The following LRRC58 variants were observed in gnomAD, a reference collection of about 807,000 sequenced individuals.
LRRC58 encodes the protein leucine-rich repeat-containing protein 58.
LRRC58 carries 18 observed loss-of-function variants against 30.6 expected under a neutral mutation model. That is an observed-to-expected ratio of 0.59 (90% CI 0.41 to 0.87). The LOEUF is 0.87. Among genes scored for constraint, LRRC58 ranks in the 40% least tolerant of loss-of-function variants. The pLI is 0.00. For synonymous variants in LRRC58, 221 were observed against 206.0 expected (o/e 1.07, Z -0.62); for missense variants, 420 against 468.4 (o/e 0.90, Z 0.95).
chr3:120,343,029 A>T (rs1935923577), intron 1 of LRRC58, among the ~76,000 whole-genome samples: 1 of 152,218 alleles, frequency 6.6e-6, no homozygotes, highest in South Asian at 2.1e-4. Flanking sequence ...TTGCTACTTG[A>T]TGTCTTCTTT....
intron 1 of LRRC58, among the ~76,000 whole-genome samples, chr3:120,346,056 C>G (rs1487284322): frequency 6.6e-6 from 1 of 152,108 alleles, no homozygotes; most frequent in Non-Finnish European, 1.5e-5. Context: ...AGTTTGAGAC[C>G]AGCCTGGCCT....
At position 120,348,970 on chromosome 3, in the gene LRRC58, C is replaced by T. The variant is rs1365030115; in HGVS notation, c.274G>A (p.Gly92Ser). 3 of 1,538,206 alleles carry T rather than the reference C, an allele frequency of 2.0e-6. No homozygotes were observed. The highest frequency in any genetic ancestry group is 1.2e-5 in the South Asian group (1 of 82,764). ...TTCTTGGCCAGCAGCGTGCGCAGGC[C>T]GCGCAGAGCGAGCAGCTCCGGCCCG... is the stretch of plus-strand genomic sequence containing the variant. ...ALGPELLALR[G>S]LRTLLAKNNR... Residue 92 changes from glycine to serine, a missense_variant, in exon 1 of 4, where the codon GGC becomes AGC. Physicochemically the swap from Gly to Ser is moderately conservative, Grantham distance 56 (BLOSUM62 0). Around this residue, in one of 2 missense-constraint regions of LRRC58, gnomAD observed 266 missense variants for 251.7 expected, o/e 1.06. Transcript: ENST00000295628.
rs1347969386 is a variant in LRRC58, at chr3:120,328,605, CAG to C, written c.*2593_*2594del. ...ATATATGACTTAAGAACTAAAGAGA[CAG>C]ACTTATTTTAAATGCATAGTTAGCT... On this transcript the variant is annotated 3_prime_UTR_variant, in exon 4 of 4. Coordinates refer to ENST00000295628, the MANE Select transcript of LRRC58 (RefSeq NM_001099678.2). 1.3e-5 allele frequency: 2 copies of C among 152,278 alleles called. No individual in the cohort carries two copies. The highest frequency in any genetic ancestry group is 2.1e-4 in the South Asian group (1 of 4,830). 9.4% of individuals were successfully genotyped at this position (152,278 alleles called of 1,614,324 possible).
chr3:120,334,815 A>C, intron 3 of LRRC58, 47 bp downstream of exon 3: 1 of 1,511,748 alleles, frequency 6.6e-7, no homozygotes, highest in South Asian at 1.3e-5. Flanking sequence ...TAATTAATTT[A>C]AAAAATAGCT....
intron 1 of LRRC58, among the ~76,000 whole-genome samples, chr3:120,338,728 G>C (rs888590002): frequency 6.6e-6 from 1 of 152,338 alleles, no homozygotes; most frequent in South Asian, 2.1e-4. Context: ...GGTCATCAAA[G>C]AGATCAGAGA....
chr3:120,334,637 C>T (rs987429618), intron 3 of LRRC58, among the ~76,000 whole-genome samples: 8 of 152,038 alleles, frequency 5.3e-5, no homozygotes, highest in African/African-American at 9.7e-5. Flanking sequence ...GATTTATTAT[C>T]GTATGTCAAG....
At chr3:120,331,486 C>A in intron 3 of LRRC58, 78 bp from the exon 4 acceptor site, 2 of 1,083,848 alleles carry the variant, frequency 1.8e-6, no homozygotes, top group Non-Finnish European at 2.8e-6. Flanking sequence ...CTCCAGTGTT[C>A]TGGAGAAATG....
intron 1 of LRRC58, among the ~76,000 whole-genome samples, chr3:120,336,590 T>G (rs1412214653): frequency 6.6e-6 from 1 of 152,146 alleles, no homozygotes; most frequent in Non-Finnish European, 1.5e-5. Context: ...CTATGAAGTC[T>G]CTACATTTCT....
At chr3:120,331,855 T>C (rs1935762067) in intron 3 of LRRC58, among the ~76,000 whole-genome samples, 1 of 152,178 alleles carries the variant, frequency 6.6e-6, no homozygotes, top group African/African-American at 2.4e-5. Flanking sequence ...GGGGATGACT[T>C]TTGGCACTCC....
chr3:120,340,005 C>T (rs527778857), intron 1 of LRRC58, among the ~76,000 whole-genome samples: 60 of 152,004 alleles, frequency 3.9e-4, no homozygotes, highest in Admixed American at 1.1e-3. Context: ...GGATTACAGG[C>T]GCCCGCCACC....
chr3:120,349,140 C>T lies in LRRC58; in HGVS notation c.104G>A (p.Arg35Gln). The T allele has an allele frequency of 6.7e-7, 1 of 1,503,612 alleles. No individual in the cohort carries two copies. Among genetic ancestry groups the T allele is most frequent in the Non-Finnish European group, 8.8e-7 (1 of 1,134,686 alleles). 93.1% of individuals were successfully genotyped at this position (1,503,612 alleles called of 1,614,324 possible). A position where few individuals can be genotyped will look rare whatever the true frequency, so the allele number is the denominator to read the frequency against. ...TETLESELEA[R>Q]GEERRGAREA... is the part of the protein sequence containing the mutation. ...CCGCGCCCCGCGCCGCTCCTCCCCC[C>T]GCGCCTCCAGCTCAGACTCCAGCGT... is the stretch of plus-strand genomic sequence containing the variant. The change falls in exon 1 of 4, where the codon CGG (arginine) becomes CAG (glutamine). Residue 35 changes from arginine (R) to glutamine (Q), a missense_variant. This residue lies in a region of LRRC58 where 266 missense variants were observed against 251.7 expected (regional missense o/e 1.06). Coordinates refer to ENST00000295628, the MANE Select transcript of LRRC58 (RefSeq NM_001099678.2).
chr3:120,344,820 CCTAA>C (rs758352938), intron 1 of LRRC58, among the ~76,000 whole-genome samples: 35 of 152,186 alleles, frequency 2.3e-4, no homozygotes, highest in Admixed American at 1.0e-3. Flanking sequence ...TAATATCTAA[CCTAA>C]CTGAGAAGAA....
intron 1 of LRRC58, among the ~76,000 whole-genome samples, chr3:120,344,385 C>G (rs748599274): frequency 1.3e-5 from 2 of 152,230 alleles, no homozygotes; most frequent in South Asian, 4.2e-4. Flanking sequence ...GTCAGAGGGA[C>G]GATGTTGAGA....
Position 120,335,060 on chromosome 3 carries a change from A to G in LRRC58, c.709T>C (p.Leu237=), listed in dbSNP as rs1199080329. ...TTTCCTCGTAAACTCAACTCTTCCA[A>G]ATGAATAAGGTTGAGGATCTCTCGA... ...LPREILNLIH[L]EELSLRGNPL... is the part of the protein sequence containing the mutation. The change falls in exon 3 of 4, where the codon TTG becomes CTG. Residue 237 remains leucine (L), a synonymous_variant. Coordinates refer to ENST00000295628, the MANE Select transcript of LRRC58 (RefSeq NM_001099678.2). 1 of 1,613,896 alleles carries G rather than the reference A, an allele frequency of 6.2e-7. No individual in the cohort carries two copies. The highest frequency in any genetic ancestry group is 8.5e-7 in the Non-Finnish European group (1 of 1,179,890).
intron 1 of LRRC58, among the ~76,000 whole-genome samples, chr3:120,342,318 C>T (rs28826066): frequency 0.12 from 18,049 of 152,236 alleles, 1,166 homozygotes; most frequent in African/African-American, 0.16. Flanking sequence ...GACCAATCAG[C>T]ATGCACTTCC....
intron 1 of LRRC58, among the ~76,000 whole-genome samples, chr3:120,346,531 T>C (rs1300980682): frequency 6.6e-6 from 1 of 152,196 alleles, no homozygotes; most frequent in Non-Finnish European, 1.5e-5. Context: ...TTAGCACCTA[T>C]GACAGGATCT....
chr3:120,347,603 G>A (rs1472912306), intron 1 of LRRC58, among the ~76,000 whole-genome samples: 1 of 151,078 alleles, frequency 6.6e-6, no homozygotes, highest in Admixed American at 6.6e-5. Context: ...TTGTTAGCCA[G>A]GATGGTCTCG....
chr3:120,334,401 G>C (rs568908124), intron 3 of LRRC58, among the ~76,000 whole-genome samples: 1 of 152,080 alleles, frequency 6.6e-6, no homozygotes, highest in East Asian at 1.9e-4. Context: ...CCAGCTACTC[G>C]GGAGGCTGAG....
intron 3 of LRRC58, among the ~76,000 whole-genome samples, 191 bp from the exon 4 acceptor site, chr3:120,331,599 A>G (rs1935758620): frequency 6.6e-6 from 1 of 152,122 alleles, no homozygotes; most frequent in Non-Finnish European, 1.5e-5. Flanking sequence ...TCTGGGTGCA[A>G]AGAGGTAACC....
Sources: allele counts gnomAD v4.1 joint callset (sites outside exome capture counted in the v4.1 genomes callset), GRCh38; gene constraint gnomAD v4.1.1; regional missense constraint gnomAD v4.1.1; transcripts MANE v1.5; gene names NCBI Gene and HGNC (gene_info 2026-07-23, HGNC 2026-07-21).